SLC16A3: variants seen among roughly 807,000 people sequenced by gnomAD.
SLC16A3 encodes the protein monocarboxylate transporter 4.
A neutral mutation model predicts 25.0 loss-of-function variants in SLC16A3; 22 were observed. The observed-to-expected ratio is 0.88, with a 90% CI of 0.63 to 1.26. SLC16A3 has a LOEUF of 1.26. Ranked by LOEUF, SLC16A3 falls within the 50% of genes most tolerant of loss-of-function variation. SLC16A3 has a pLI of 0.00. For missense variants in SLC16A3, 731 were observed against 666.6 expected (o/e 1.10, Z -1.06); for synonymous variants, 390 against 309.2 (o/e 1.26, Z -2.74).
At chr17:82,221,250 T>C (rs1251875365) in intron 1 of SLC16A3, among the ~76,000 whole-genome samples, 1 of 152,138 alleles carries the variant, frequency 6.6e-6, no homozygotes, top group East Asian at 1.9e-4. Flanking sequence ...AAGAGTTTAA[T>C]ACCCAGAACA....
chr17:82,229,036 C>G (rs2050450633), upstream of SLC16A3: 1 of 133,224 alleles, frequency 7.5e-6, no homozygotes, highest in South Asian at 2.2e-4. Flanking sequence ...CGGCGCGGAG[C>G]GGACCGGCAG....
intron 1 of SLC16A3, among the ~76,000 whole-genome samples, chr17:82,218,958 G>A (rs2050372431): frequency 6.6e-6 from 1 of 152,170 alleles, no homozygotes; most frequent in Non-Finnish European, 1.5e-5. Context: ...GGGGGTTGAG[G>A]ATAAGGGAGA....
At chr17:82,222,382 C>T (rs560260673) in intron 1 of SLC16A3, among the ~76,000 whole-genome samples, 1 of 152,350 alleles carries the variant, frequency 6.6e-6, no homozygotes, top group Non-Finnish European at 1.5e-5. Flanking sequence ...AAATACTGGC[C>T]CAGGAATGTC....
In SLC16A3 at chr17:82,237,446, C is replaced by A. The variant is rs377324766; in HGVS notation, c.676C>A (p.Arg226Ser). The change falls in exon 4 of 5, where the codon CGC becomes AGC. Residue 226 changes from arginine (R) to serine (S), a missense_variant. By Grantham distance (110) the Arg-to-Ser change is moderately radical. Coordinates refer to ENST00000582743, the MANE Select transcript of SLC16A3 (RefSeq NM_004207.4). ...RLLDLSVFRD[R>S]GFVLYAVAAS... ...GCTAGACCTGAGCGTCTTCCGGGAC[C>A]GCGGCTTTGTGCTTTACGCCGTGGC... is the stretch of plus-strand genomic sequence containing the variant. 2 of 1,597,640 alleles carry A rather than the reference C, an allele frequency of 1.3e-6. No homozygotes were observed. The highest frequency in any genetic ancestry group is 1.7e-6 in the Non-Finnish European group (2 of 1,173,910).
Position 82,236,749 on chromosome 17 carries a change from G to A in SLC16A3, c.244G>A (p.Val82Met), listed in dbSNP as rs1347021242. 2.5e-6 allele frequency: 4 copies of A among 1,607,714 alleles called. No homozygotes were observed. Among genetic ancestry groups the A allele is most frequent in the Non-Finnish European group, 1.7e-6 (2 of 1,179,800 alleles). Residue 82 changes from valine (V) to methionine (M), a missense_variant, in exon 3 of 5, where the codon GTG (valine) becomes ATG (methionine). Coordinates refer to ENST00000582743, the MANE Select transcript of SLC16A3 (RefSeq NM_004207.4). The stretch of plus-strand genomic sequence containing the variant: ...TCCAGGTCCGCTCTGCAGTGTGTGC[G>A]TGAACCGCTTTGGCTGCCGGCCCGT... ...YGTGPLCSVC[V>M]NRFGCRPVML...
intron 2 of SLC16A3, chr17:82,236,451 G>C (rs1312322612): frequency 1.6e-6 from 1 of 630,104 alleles, no homozygotes; most frequent in Non-Finnish European, 2.7e-6. Context: ...CAAACGGGTC[G>C]GCTGTATTTA....
chr17:82,224,858 C>G (rs2050412505), upstream of SLC16A3, among the ~76,000 whole-genome samples: 2 of 152,210 alleles, frequency 1.3e-5, no homozygotes, highest in Non-Finnish European at 2.9e-5. Flanking sequence ...ATGCATCACA[C>G]CCAAACCCCA....
At chr17:82,234,093 G>GT (rs2050553612) in intron 1 of SLC16A3, 1 of 152,168 alleles carries the variant, frequency 6.6e-6, no homozygotes, top group South Asian at 2.1e-4. Context: ...GCCCGCCTTG[G>GT]CCCCCCAAAG....
chr17:82,239,872 C>T lies in SLC16A3; in HGVS notation c.*896C>T. On this transcript the variant is annotated 3_prime_UTR_variant, in exon 5 of 5. Transcript: ENST00000582743. ...CTTTGCACCCTGTCCTCCATCCAGC[C>T]CGGCCCAGCGCTTGGGCTTGTCCTG... 4.8e-6 allele frequency: 3 copies of T among 625,498 alleles called. No individual in the cohort carries two copies. The highest frequency in any genetic ancestry group is 6.9e-6 in the Non-Finnish European group (3 of 434,106). The allele number at this position is 625,498 out of a possible 1,614,324, so 38.7% of individuals were successfully genotyped here.
Position 82,236,863 on chromosome 17 carries a change from G to C in SLC16A3, c.358G>C (p.Val120Leu), listed in dbSNP as rs1464337333. The change falls in exon 3 of 5, where the codon GTC becomes CTC. Residue 120 changes from valine (V) to leucine (L), a missense_variant. Val to Leu is a conservative substitution (Grantham distance 32). Transcript: ENST00000582743. ...CATCCAGGTCTACCTCACCACTGGG[G>C]TCATCACGGGTGAGTGGGGCCGGCC... ...SIIQVYLTTG[V>L]ITGLGLALNF... 1 of 1,605,722 alleles carries C rather than the reference G, an allele frequency of 6.2e-7. No homozygotes were observed. The highest frequency in any genetic ancestry group is 8.5e-7 in the Non-Finnish European group (1 of 1,179,754).
chr17:82,222,937 C>T (rs1423229543), intron 1 of SLC16A3, among the ~76,000 whole-genome samples: 10 of 152,022 alleles, frequency 6.6e-5, no homozygotes, highest in African/African-American at 2.4e-4. Flanking sequence ...TCACATGAAA[C>T]ATCCAGGACA....
chr17:82,225,318 G>C (rs1324219555), upstream of SLC16A3, among the ~76,000 whole-genome samples: 1 of 152,188 alleles, frequency 6.6e-6, no homozygotes, highest in South Asian at 2.1e-4. Context: ...TCTGGGGCGA[G>C]TGAAGGGAGG....
At position 82,238,901 on chromosome 17, in the gene SLC16A3, G is replaced by C; in HGVS notation, c.1323G>C (p.Arg441=). 6.2e-7 allele frequency: 1 copy of C among 1,601,776 alleles called. No individual in the cohort carries two copies. The highest frequency in any genetic ancestry group is 8.5e-7 in the Non-Finnish European group (1 of 1,171,846). ...KPPADSGVDL[R]EVEHFLKAEP... ...CTGCAGACTCGGGGGTGGACTTGCG[G>C]GAGGTGGAGCATTTCCTGAAGGCTG... Residue 441 remains arginine, a synonymous_variant, in exon 5 of 5, where the codon CGG becomes CGC. Coordinates refer to ENST00000582743, the MANE Select transcript of SLC16A3 (RefSeq NM_004207.4).
chr17:82,238,014 G>T (rs567213606), intron 4 of SLC16A3, 121 bp downstream of exon 4: 20 of 1,210,994 alleles, frequency 1.7e-5, no homozygotes, highest in Non-Finnish European at 2.2e-5. Context: ...AGAGCTGGAG[G>T]GGGTGCACTG....
intron 1 of SLC16A3, chr17:82,231,924 C>T (rs2050502433): frequency 6.6e-6 from 1 of 152,354 alleles, no homozygotes; most frequent in Non-Finnish European, 1.5e-5. Context: ...AGCGTCCACC[C>T]CCTGCAAGCT....
intron 1 of SLC16A3, chr17:82,233,976 G>T (rs1414418660): frequency 6.6e-6 from 1 of 152,220 alleles, no homozygotes; most frequent in Non-Finnish European, 1.5e-5. Context: ...GAGTAGCTGG[G>T]ACTACAGGCG....
chr17:82,224,038 A>ACCCCTACACCCGTGCACAGAC (rs2050405034), upstream of SLC16A3, among the ~76,000 whole-genome samples: 1 of 129,456 alleles, frequency 7.7e-6, no homozygotes, highest in Non-Finnish European at 1.6e-5. Flanking sequence ...GTGCAGACAC[A>ACCCCTACACCCGTGCACAGAC]ACCCTACACC....
upstream of SLC16A3, among the ~76,000 whole-genome samples, chr17:82,224,038 A>C (rs2050405023): frequency 7.7e-6 from 1 of 129,456 alleles, no homozygotes; most frequent in Non-Finnish European, 1.6e-5. Flanking sequence ...GTGCAGACAC[A>C]ACCCTACACC....
rs1420685440 is a variant in SLC16A3, at chr17:82,239,461, T to A, written c.*485T>A. 1.8e-5 allele frequency: 3 copies of A among 166,794 alleles called. No homozygotes were observed. Among genetic ancestry groups the A allele is most frequent in the Non-Finnish European group, 2.6e-5 (2 of 78,374 alleles). The allele number at this position is 166,794 out of a possible 1,614,324, so 10.3% of individuals were successfully genotyped here. A position where few individuals can be genotyped will look rare whatever the true frequency, so the allele number is the denominator to read the frequency against. Reference sequence around the variant, plus strand: ...CCTGGAAGATGGAAATAAACCTGCGTGTGGGTGGAGTGTTAGGACCAACGG... The same window carrying A: ...CCTGGAAGATGGAAATAAACCTGCGAGTGGGTGGAGTGTTAGGACCAACGG... On this transcript the variant is annotated 3_prime_UTR_variant, in exon 5 of 5. Coordinates refer to ENST00000582743, the MANE Select transcript of SLC16A3 (RefSeq NM_004207.4).
Sources: allele counts gnomAD v4.1 joint callset (sites outside exome capture counted in the v4.1 genomes callset), GRCh38; gene constraint gnomAD v4.1.1; transcripts MANE v1.5; gene names NCBI Gene and HGNC (gene_info 2026-07-23, HGNC 2026-07-21).